Variants in CKAP5 observed in about 807,000 individuals in gnomAD.
CKAP5 encodes cytoskeleton associated protein 5.
CKAP5 carries 27 observed loss-of-function variants against 232.8 expected under a neutral mutation model. The observed-to-expected ratio is 0.12, with a 90% CI of 0.09 to 0.16. CKAP5 has a LOEUF of 0.16. Among genes scored for constraint, CKAP5 ranks in the 10% least tolerant of loss-of-function variants. The pLI is 1.00. For missense variants in CKAP5, 1,838 were observed against 2,424.7 expected (o/e 0.76, Z 5.08); for synonymous variants, 785 against 841.1 (o/e 0.93, Z 1.16).
At chr11:46,771,009 C>T (rs1565726992) in intron 24 of CKAP5, 27 bp from the exon 25 acceptor site, 3 of 1,590,512 alleles carry the variant, frequency 1.9e-6, no homozygotes, top group Admixed American at 1.7e-5. Flanking sequence ...AGACTAGTTA[C>T]ACACTTCAAA....
intron 22 of CKAP5, 52 bp downstream of exon 22, chr11:46,778,087 C>T (rs1046765617): frequency 2.0e-6 from 3 of 1,477,312 alleles, no homozygotes; most frequent in Non-Finnish European, 2.8e-6. Flanking sequence ...AAAGGTAACT[C>T]CTGCAGCAGT....
intron 29 of CKAP5, 94 bp from the exon 30 acceptor site, chr11:46,763,273 A>G: frequency 8.7e-7 from 1 of 1,152,990 alleles, no homozygotes; most frequent in Non-Finnish European, 1.2e-6. Flanking sequence ...TTGGAGCCCA[A>G]AAAGAAAATG....
chr11:46,797,745 G>C (rs1938913683), intron 11 of CKAP5, 60 bp downstream of exon 11: 4 of 1,491,080 alleles, frequency 2.7e-6, no homozygotes, highest in Non-Finnish European at 3.6e-6. Flanking sequence ...TACATAATTT[G>C]CAGGAAAAGA....
At chr11:46,766,308 G>A (rs569623090) in intron 27 of CKAP5, among the ~76,000 whole-genome samples, 3 of 152,130 alleles carry the variant, frequency 2.0e-5, no homozygotes, top group East Asian at 1.9e-4. Flanking sequence ...CATTAAGAAC[G>A]GAGTCAAAAA....
chr11:46,762,917 C>A, intron 30 of CKAP5, 59 bp downstream of exon 30: 1 of 1,515,530 alleles, frequency 6.6e-7, no homozygotes, highest in Non-Finnish European at 9.1e-7. Flanking sequence ...AATAAAAGTA[C>A]AGAAACTGAG....
chr11:46,842,020 C>T (rs963889881), intron 1 of CKAP5, among the ~76,000 whole-genome samples: 7 of 124,282 alleles, frequency 5.6e-5, no homozygotes, highest in Non-Finnish European at 1.0e-4. Context: ...AAAAAAAAAG[C>T]GAAATGTTAA....
chr11:46,752,193 T>TATATACATACAC lies in CKAP5; in HGVS notation c.5133+441_5133+442insGTGTATGTATAT, dbSNP rs1408030107. Among the ~76,000 whole-genome samples, 78 of 66,542 alleles carry TATATACATACAC rather than the reference T, an allele frequency of 1.2e-3. 1 individual carries two copies. Among genetic ancestry groups the TATATACATACAC allele is most frequent in the African/African-American group, 3.8e-3 (74 of 19,588 alleles). The allele number at this position is 66,542 out of a possible 152,430, so 43.7% of individuals were successfully genotyped here. ...ATATATATATATATATATATATATATACACACACACACACACACACACACA... is the reference window on the plus strand; with the variant it reads ...ATATATATATATATATATATATATATATATACATACACACACACACACACACACACACACACA... On this transcript the variant is annotated intron_variant, in intron 38 of 43. Coordinates refer to ENST00000529230, the MANE Select transcript of CKAP5 (RefSeq NM_001008938.4).
At chr11:46,752,539 C>T in intron 38 of CKAP5, 96 bp downstream of exon 38, 1 of 861,830 alleles carries the variant, frequency 1.2e-6, no homozygotes, top group Admixed American at 2.3e-5. Flanking sequence ...TTGATTTGAG[C>T]CTATGTCTTT....
At chr11:46,749,195 C>G (rs373835395) in intron 42 of CKAP5, among the ~76,000 whole-genome samples, 1 of 151,994 alleles carries the variant, frequency 6.6e-6, no homozygotes, top group Non-Finnish European at 1.5e-5. Flanking sequence ...TGACTCAAGC[C>G]TGTAATCCCA....
At position 46,753,462 on chromosome 11, in the gene CKAP5, G is replaced by A. The variant is rs144138791; in HGVS notation, c.4905C>T (p.Ser1635=). Residue 1635 remains serine, a synonymous_variant, in exon 37 of 44, where the codon TCC becomes TCT. Coordinates refer to ENST00000529230, the MANE Select transcript of CKAP5 (RefSeq NM_001008938.4). ...FQIESLAREA[S]TGVLKDLMHG... ...GCATTAGGTCTTTTAGTACTCCAGT[G>A]GAGGCCTCCCGGGCAAGGCTCTCTA... The A allele has an allele frequency of 5.0e-6, 8 of 1,613,098 alleles. No individual in the cohort carries two copies. The African/African-American group carries it at 1.1e-4, about 22-fold the overall frequency.
chr11:46,757,040 T>C (rs1404278448), intron 35 of CKAP5, among the ~76,000 whole-genome samples: 2 of 151,296 alleles, frequency 1.3e-5, no homozygotes, highest in African/African-American at 2.4e-5. Context: ...GCTGGGATTA[T>C]AGGCATGAGC....
chr11:46,798,581 C>CA (rs112443231), intron 9 of CKAP5, among the ~76,000 whole-genome samples: 1,991 of 90,686 alleles, frequency 0.022, 30 homozygotes, highest in African/African-American at 0.067. Context: ...CCCTGTCTTC[C>CA]AAAAAAAAAA....
intron 1 of CKAP5, among the ~76,000 whole-genome samples, chr11:46,826,207 G>T (rs886505129): frequency 6.6e-6 from 1 of 152,136 alleles, no homozygotes; most frequent in Non-Finnish European, 1.5e-5. Context: ...TATATCAGGA[G>T]GAAAGGTTAA....
rs148858203 is a variant in CKAP5, at chr11:46,743,765, C to A, written c.*258G>T. On this transcript the variant is annotated 3_prime_UTR_variant, in exon 44 of 44. Coordinates refer to ENST00000529230, the MANE Select transcript of CKAP5 (RefSeq NM_001008938.4). ...AAAAGAAAAGGATCTGGGAACTAGA[C>A]TGAGCAGAGAGGGGGCAGCTGTTTA... 1.1e-3 allele frequency: 550 copies of A among 482,698 alleles called. 4 individuals carry two copies. The highest frequency in any genetic ancestry group is 9.4e-3 in the African/African-American group (491 of 52,174). The allele number at this position is 482,698 out of a possible 1,614,324, so 29.9% of individuals were successfully genotyped here.
intron 4 of CKAP5, among the ~76,000 whole-genome samples, chr11:46,814,470 T>C (rs1364352231): frequency 1.3e-5 from 2 of 152,218 alleles, no homozygotes; most frequent in African/African-American, 2.4e-5. Flanking sequence ...TCACAGAAGA[T>C]AAACACCAAA....
rs2065054478 is a variant in CKAP5, at chr11:46,750,398, G to A, written c.5580C>T (p.Tyr1860=). ...LAELYEYKKK[Y]SDADIEPFLK... ...GAAATGGTTCAATGTCAGCATCTGA[G>A]TATTTCTTCTTATATTCATATAACT... The change falls in exon 42 of 44, where the codon TAC becomes TAT. Residue 1860 remains tyrosine, a synonymous_variant. Transcript: ENST00000529230. 8 of 1,614,078 alleles carry A rather than the reference G, an allele frequency of 5.0e-6. No homozygotes were observed. The highest frequency in any genetic ancestry group is 6.8e-6 in the Non-Finnish European group (8 of 1,179,928).
At chr11:46,793,484 A>G (rs1302410215) in intron 13 of CKAP5, among the ~76,000 whole-genome samples, 1 of 152,274 alleles carries the variant, frequency 6.6e-6, no homozygotes, top group East Asian at 1.9e-4. Context: ...ACAAAGGTGT[A>G]AACACCTGGA....
intron 1 of CKAP5, among the ~76,000 whole-genome samples, chr11:46,840,295 G>GTTTT: frequency 6.6e-6 from 1 of 152,144 alleles, no homozygotes; most frequent in Non-Finnish European, 1.5e-5. Flanking sequence ...TTGTTTGACA[G>GTTTT]ATAAAACTGT....
Position 46,823,824 on chromosome 11 carries a change from T to C in CKAP5, c.-37-2556A>G, listed in dbSNP as rs528927497. Among the ~76,000 whole-genome samples the C allele has an allele frequency of 5.3e-5, 8 of 152,362 alleles. No individual in the cohort carries two copies. In the South Asian group the frequency reaches 1.7e-3, roughly 32 times the overall value. ...TTTGTAGAGATGGGGTCTTACTATG[T>C]TGCCCAGGCTGGCCGATTTTTCAAT... On this transcript the variant is annotated intron_variant, in intron 1 of 43. Transcript: ENST00000529230.
Sources: gnomAD v4.1 joint callset for allele counts (sites outside exome capture counted in the v4.1 genomes callset) on GRCh38, gnomAD v4.1.1 for gene constraint, MANE v1.5 for transcripts, NCBI Gene and HGNC (gene_info 2026-07-23, HGNC 2026-07-21) for gene names.